SNX2: variants seen among roughly 807,000 people sequenced by gnomAD.
SNX2 encodes the protein sorting nexin 2, also known as sorting nexin-2.
Under a neutral mutation model 69.9 loss-of-function variants are expected in SNX2, and 25 were observed. The ratio of observed to expected loss-of-function variants is 0.36; its 90% CI spans 0.26 to 0.50. The LOEUF is 0.50. Ranked by LOEUF, SNX2 falls within the 20% of genes least tolerant of loss-of-function variation. The pLI, the probability that SNX2 is intolerant of heterozygous loss-of-function variation, is 0.97. For synonymous variants in SNX2, 229 were observed against 200.4 expected, an observed-to-expected ratio of 1.14 and a Z score of -1.20; for missense variants, 551 against 613.3, an observed-to-expected ratio of 0.90 and a Z score of 1.07.
intron 10 of SNX2, among the ~76,000 whole-genome samples, chr5:122,818,446 G>A (rs1464148182): frequency 6.6e-6 from 1 of 152,124 alleles, no homozygotes; most frequent in East Asian, 1.9e-4. Context: ...CAGAAATGTG[G>A]TATAAATCAA....
intron 10 of SNX2, 23 bp from the exon 11 acceptor site, chr5:122,818,795 G>T (rs1432971217): frequency 6.3e-6 from 10 of 1,598,214 alleles, no homozygotes; most frequent in Non-Finnish European, 7.7e-6. Flanking sequence ...CACTAAAATT[G>T]CATACTTTTT....
At chr5:122,813,296 T>C (rs964599403) in intron 7 of SNX2, among the ~76,000 whole-genome samples, 4 of 152,144 alleles carry the variant, frequency 2.6e-5, no homozygotes, top group African/African-American at 9.6e-5. Flanking sequence ...TATAAAAGCA[T>C]ATAAGCTTAT....
rs1347598335 is a variant in SNX2 at position 122,831,191 on chromosome 5, GA to G, written c.*1545del. Among the ~76,000 whole-genome samples the G allele has an allele frequency of 6.6e-6, 1 of 151,996 alleles. No individual in the cohort carries two copies. Among genetic ancestry groups the G allele is most frequent in the Non-Finnish European group, 1.5e-5 (1 of 68,018 alleles). ...AGTCACTGGATACAATTTATATATC[GA>G]AGTATCCTTAGCATGTGTTTGCTTC... On this transcript the variant is annotated 3_prime_UTR_variant, in exon 15 of 15. Coordinates refer to ENST00000379516, the MANE Select transcript of SNX2 (RefSeq NM_003100.4).
intron 1 of SNX2, among the ~76,000 whole-genome samples, chr5:122,791,209 T>C (rs7706555): frequency 0.61 from 91,518 of 150,662 alleles, 28,154 homozygotes; most frequent in African/African-American, 0.69. Context: ...CCACAACCTC[T>C]GCCTCCCAGG....
intron 7 of SNX2, among the ~76,000 whole-genome samples, chr5:122,812,580 A>G (rs1753804555): frequency 6.6e-6 from 1 of 152,176 alleles, no homozygotes; most frequent in Non-Finnish European, 1.5e-5. Flanking sequence ...ACTTGGTCCC[A>G]TTTACCCCAT....
At chr5:122,826,665 T>C in intron 12 of SNX2, 1 of 973,222 alleles carries the variant, frequency 1.0e-6, no homozygotes, top group Non-Finnish European at 1.2e-6. Context: ...ACAACCTTTA[T>C]GTTACTAAAA....
intron 1 of SNX2, among the ~76,000 whole-genome samples, chr5:122,779,662 C>G (rs191981819): frequency 8.5e-5 from 13 of 152,274 alleles, no homozygotes; most frequent in African/African-American, 2.9e-4. Flanking sequence ...TGTGGTAACT[C>G]CATGTTTAAT....
intron 11 of SNX2, among the ~76,000 whole-genome samples, chr5:122,820,392 T>G (rs1274389066): frequency 6.6e-6 from 1 of 151,994 alleles, no homozygotes; most frequent in Non-Finnish European, 1.5e-5. Flanking sequence ...AAAAATCAGC[T>G]GGACATGGTG....
intron 7 of SNX2, 195 bp downstream of exon 7, chr5:122,808,550 T>G (rs1289928903): frequency 9.1e-6 from 4 of 440,268 alleles, no homozygotes; most frequent in Non-Finnish European, 8.1e-6. Flanking sequence ...TTCTGTATAA[T>G]TTTTAGTAAT....
Position 122,818,800 on chromosome 5 carries a change from C to CT in SNX2, c.1007-10dup, listed in dbSNP as rs751404165. On this transcript the variant is annotated splice_polypyrimidine_tract_variant and intron_variant, in intron 10 of 14. Coordinates refer to ENST00000379516, the MANE Select transcript of SNX2 (RefSeq NM_003100.4). ...TATGAGTGAACACTAAAATTGCATACTTTTTTTTAAATTTCAGAACTTTCA... is the reference window on the plus strand; with the variant it reads ...TATGAGTGAACACTAAAATTGCATACTTTTTTTTTAAATTTCAGAACTTTCA... 24 of 1,599,710 alleles carry CT rather than the reference C, an allele frequency of 1.5e-5. No individual in the cohort carries two copies. Among genetic ancestry groups the CT allele is most frequent in the East Asian group, 1.3e-4 (6 of 44,714 alleles).
At chr5:122,822,704 G>C (rs1754051663) in intron 11 of SNX2, among the ~76,000 whole-genome samples, 1 of 152,126 alleles carries the variant, frequency 6.6e-6, no homozygotes, top group South Asian at 2.1e-4. Context: ...CTGCAATTTA[G>C]AACTATAAGA....
chr5:122,822,737 T>C (rs552779681), intron 11 of SNX2, among the ~76,000 whole-genome samples: 4 of 152,280 alleles, frequency 2.6e-5, no homozygotes, highest in East Asian at 1.9e-4. Context: ...CTTACAAGCA[T>C]TGTCATGTAT....
At position 122,810,279 on chromosome 5, in the gene SNX2, T is replaced by A. The variant is rs576167478; in HGVS notation, c.722+1924T>A. ...ACAAACACTGCGGAAGGCCGCAGGG[T>A]CCTCTGCCTAGGAAAACCAGAGACC... is the stretch of plus-strand genomic sequence containing the variant. On this transcript the variant is annotated intron_variant, in intron 7 of 14. Coordinates refer to ENST00000379516, the MANE Select transcript of SNX2 (RefSeq NM_003100.4). Among the ~76,000 whole-genome samples, 72 of 149,598 alleles carry A rather than the reference T, an allele frequency of 4.8e-4. No individual in the cohort carries two copies. In the South Asian group the frequency reaches 0.014, roughly 28 times the overall value.
Position 122,818,972 on chromosome 5 carries a change from T to C in SNX2, c.1161T>C (p.Tyr387=), listed in dbSNP as rs768437406. The change falls in exon 11 of 15, where the codon TAT becomes TAC. Residue 387 remains tyrosine (Y), a synonymous_variant. Transcript: ENST00000379516. ...AAGAACAAGCTTTTGCTGACTTTTA[T>C]ATGTTTTCAGAACTACTTAGTGACT... ...LHQEQAFADF[Y]MFSELLSDYI... 1 of 1,613,832 alleles carries C rather than the reference T, an allele frequency of 6.2e-7. No individual in the cohort carries two copies. The highest frequency in any genetic ancestry group is 1.3e-5 in the African/African-American group (1 of 74,924).
rs377155040 is a variant in SNX2 at position 122,792,465 on chromosome 5, C to T, written c.109-2801C>T. Among the ~76,000 whole-genome samples the T allele has an allele frequency of 1.8e-4, 28 of 152,112 alleles. 3 individuals are homozygous for T. The highest frequency in any genetic ancestry group is 3.9e-4 in the East Asian group (2 of 5,152). On this transcript the variant is annotated intron_variant, in intron 1 of 14. Transcript: ENST00000379516. ...AAAAAAAATTAGCTGGGTGTGGTGG[C>T]GGGTGCCTGTGGTCCCGGCTACTTG...
At chr5:122,779,080 A>G (rs1470316591) in intron 1 of SNX2, among the ~76,000 whole-genome samples, 1 of 152,158 alleles carries the variant, frequency 6.6e-6, no homozygotes. Flanking sequence ...TTTTGCATGG[A>G]GTAGTAGATA....
intron 7 of SNX2, among the ~76,000 whole-genome samples, chr5:122,810,951 T>G (rs1753762549): frequency 6.6e-6 from 1 of 152,218 alleles, no homozygotes. Flanking sequence ...TACACATTTA[T>G]TTTTTAATCT....
In SNX2 at chr5:122,834,218, G is replaced by C. The variant is rs1754357964; in HGVS notation, c.*4570G>C. The C allele has an allele frequency of 6.6e-6, 1 of 152,216 alleles. No individual in the cohort carries two copies. Among genetic ancestry groups the C allele is most frequent in the African/African-American group, 2.4e-5 (1 of 41,462 alleles). 9.4% of individuals were successfully genotyped at this position (152,216 alleles called of 1,614,324 possible). ...TCTTCCAACTGTTGCTTCAGACGCT[G>C]ATAAGATTGTAGAAGATAGGGAAGC... On this transcript the variant is annotated 3_prime_UTR_variant, in exon 15 of 15. Transcript: ENST00000379516.
At chr5:122,787,349 G>A (rs1286858557) in intron 1 of SNX2, among the ~76,000 whole-genome samples, 7 of 151,984 alleles carry the variant, frequency 4.6e-5, no homozygotes, top group Non-Finnish European at 7.4e-5. Context: ...GTGAAGCCCT[G>A]TCTCTACAAA....
Sources: gnomAD v4.1 joint callset for allele counts (sites outside exome capture counted in the v4.1 genomes callset) on GRCh38, gnomAD v4.1.1 for gene constraint, MANE v1.5 for transcripts, NCBI Gene and HGNC (gene_info 2026-07-23, HGNC 2026-07-21) for gene names.